Variants in FRY observed in about 807,000 individuals in gnomAD.
FRY encodes the protein protein furry homolog.
A neutral mutation model predicts 348.4 loss-of-function variants in FRY; 128 were observed. That is an observed-to-expected ratio of 0.37 (90% CI 0.32 to 0.43). The LOEUF is 0.43. Among genes scored for constraint, FRY ranks in the 20% least tolerant of loss-of-function variants. The pLI is 1.00. For missense variants in FRY, 2,736 were observed against 3,695.2 expected, an observed-to-expected ratio of 0.74 and a Z score of 6.73; for synonymous variants, 1,370 against 1,374.7, an observed-to-expected ratio of 1.00 and a Z score of 0.08.
intron 7 of FRY, among the ~76,000 whole-genome samples, chr13:32,129,334 C>T (rs1159748604): frequency 1.3e-5 from 2 of 152,152 alleles, no homozygotes; most frequent in African/African-American, 4.8e-5. Flanking sequence ...CAATTCAGCC[C>T]TAACAGTAGG....
intron 1 of FRY, among the ~76,000 whole-genome samples, chr13:32,040,650 G>A (rs1205414085): frequency 1.3e-5 from 2 of 152,132 alleles, no homozygotes; most frequent in Admixed American, 6.5e-5. Flanking sequence ...GGTTCTTTCT[G>A]TTGTTACTTT....
intron 17 of FRY, among the ~76,000 whole-genome samples, chr13:32,170,197 G>T (rs1043827727): frequency 1.3e-5 from 2 of 152,150 alleles, no homozygotes; most frequent in African/African-American, 4.8e-5. Context: ...AGCTTCTCCA[G>T]TACTCAGGTT....
In FRY at chr13:32,134,763, C is replaced by T. The variant is rs77937272; in HGVS notation, c.886-141C>T. On this transcript the variant is annotated intron_variant, in intron 8 of 60. Coordinates refer to ENST00000542859, the MANE Select transcript of FRY (RefSeq NM_023037.3). ...AAATTTCAATACAAATGTTTGAATC[C>T]AGTGATTTTTAATAGACTATGGAAT... 3 of 729,026 alleles carry T rather than the reference C, an allele frequency of 4.1e-6. No homozygotes were observed. The African/African-American group carries it at 5.2e-5, about 13-fold the overall frequency. The allele number at this position is 729,026 out of a possible 1,614,324, so 45.2% of individuals were successfully genotyped here. A position where few individuals can be genotyped will look rare whatever the true frequency, so the allele number is the denominator to read the frequency against.
At chr13:32,143,822 C>A (rs1398985626) in intron 11 of FRY, among the ~76,000 whole-genome samples, 1 of 152,152 alleles carries the variant, frequency 6.6e-6, no homozygotes, top group Non-Finnish European at 1.5e-5. Flanking sequence ...CAGGCAGGTA[C>A]AGTGTTAAGT....
intron 2 of FRY, among the ~76,000 whole-genome samples, chr13:32,085,278 C>A (rs1363721098): frequency 6.6e-6 from 1 of 152,146 alleles, no homozygotes; most frequent in African/African-American, 2.4e-5. Context: ...TATATGCTCT[C>A]ATTCTCTATG....
intron 2 of FRY, among the ~76,000 whole-genome samples, chr13:32,079,431 C>T (rs1056008531): frequency 6.6e-6 from 1 of 152,044 alleles, no homozygotes; most frequent in East Asian, 1.9e-4. Flanking sequence ...CAAGAAAAAT[C>T]ATTTTGTTCA....
At position 32,239,625 on chromosome 13, in the gene FRY, A is replaced by G. The variant is rs1593787195; in HGVS notation, c.6517-86A>G. On this transcript the variant is annotated intron_variant, in intron 45 of 60. Coordinates refer to ENST00000542859, the MANE Select transcript of FRY (RefSeq NM_023037.3). This position sits in a 1 kb window ranked among gnomAD's most constrained non-coding sequence, Gnocchi z 4.3. ...AAAAGTGTATCAATCTACTTTCCAG[A>G]TGGCCAGAGCTTATAGTAAAATTGC... 1 of 930,960 alleles carries G rather than the reference A, an allele frequency of 1.1e-6. No individual in the cohort carries two copies. Among genetic ancestry groups the G allele is most frequent in the Non-Finnish European group, 1.7e-6 (1 of 582,004 alleles). 57.7% of individuals were successfully genotyped at this position (930,960 alleles called of 1,614,324 possible). A position where few individuals can be genotyped will look rare whatever the true frequency, so the allele number is the denominator to read the frequency against.
intron 1 of FRY, among the ~76,000 whole-genome samples, chr13:32,038,121 T>C (rs1014673275): frequency 6.6e-6 from 1 of 152,192 alleles, no homozygotes; most frequent in Non-Finnish European, 1.5e-5. Flanking sequence ...ATGCTCCTGG[T>C]TTAGAATAAG....
intron 31 of FRY, among the ~76,000 whole-genome samples, chr13:32,203,461 C>T (rs1440041188): frequency 1.3e-5 from 2 of 152,124 alleles, no homozygotes; most frequent in Non-Finnish European, 2.9e-5. Flanking sequence ...CGTGGTGGCT[C>T]ACACCCGTAA....
chr13:32,156,487 G>C (rs867820804), intron 15 of FRY, among the ~76,000 whole-genome samples: 1 of 151,626 alleles, frequency 6.6e-6, no homozygotes, highest in Non-Finnish European at 1.5e-5. Context: ...TGTAATCCCA[G>C]CAACTTGGGA....
intron 1 of FRY, among the ~76,000 whole-genome samples, chr13:32,061,727 C>G (rs998186202): frequency 8.6e-5 from 13 of 152,028 alleles, no homozygotes; most frequent in African/African-American, 3.1e-4. Context: ...AACAGGACAC[C>G]GTATGTTAAC....
chr13:32,156,106 T>C (rs563769814), intron 15 of FRY, among the ~76,000 whole-genome samples: 35 of 152,342 alleles, frequency 2.3e-4, no homozygotes, highest in Non-Finnish European at 4.7e-4. Flanking sequence ...GGATTTAGAC[T>C]ACATGAGATG....
intron 51 of FRY, among the ~76,000 whole-genome samples, chr13:32,256,039 A>C (rs1887316763): frequency 1.3e-5 from 2 of 152,360 alleles, no homozygotes; most frequent in South Asian, 4.1e-4. Flanking sequence ...ATTTCAGAAC[A>C]GCTCACAAAT....
intron 28 of FRY, 33 bp downstream of exon 28, chr13:32,187,689 T>C: frequency 8.6e-7 from 1 of 1,161,500 alleles, no homozygotes; most frequent in Non-Finnish European, 1.3e-6. Context: ...TGTTTTTGAA[T>C]GTCTTCTGTG....
At chr13:32,133,768 C>CTTT (rs34413710) in intron 8 of FRY, among the ~76,000 whole-genome samples, 1,022 of 89,144 alleles carry the variant, frequency 0.011, 28 homozygotes, top group East Asian at 0.04. Context: ...TTCTTTCTTT[C>CTTT]TTTTTTTTTT....
chr13:32,154,072 A>G (rs1200868034), intron 14 of FRY, among the ~76,000 whole-genome samples: 1 of 152,186 alleles, frequency 6.6e-6, no homozygotes, highest in Non-Finnish European at 1.5e-5. Context: ...ACTGGCAAAT[A>G]ATTGAGGCTT....
chr13:32,036,497 C>T (rs1480003660), intron 1 of FRY, among the ~76,000 whole-genome samples: 1 of 151,852 alleles, frequency 6.6e-6, no homozygotes, highest in Admixed American at 6.6e-5. Context: ...CATTCAAATG[C>T]ATGAACAGTT....
At chr13:32,243,185 A>C (rs1046308807) in intron 46 of FRY, among the ~76,000 whole-genome samples, 1 of 152,206 alleles carries the variant, frequency 6.6e-6, no homozygotes, top group African/African-American at 2.4e-5. Context: ...TAAAAAGACA[A>C]TTGTGTATCC....
chr13:32,285,377 T>C (rs916862368), intron 58 of FRY, among the ~76,000 whole-genome samples: 1 of 152,112 alleles, frequency 6.6e-6, no homozygotes, highest in Non-Finnish European at 1.5e-5. Context: ...AGATAATAAA[T>C]ATCAAGGAAG....
Sources: allele counts gnomAD v4.1 joint callset (sites outside exome capture counted in the v4.1 genomes callset), GRCh38; gene constraint gnomAD v4.1.1; non-coding constraint Gnocchi (gnomAD v3.1); transcripts MANE v1.5; gene names NCBI Gene and HGNC (gene_info 2026-07-23, HGNC 2026-07-21).